DCDC1: variants seen among roughly 807,000 people sequenced by gnomAD.
DCDC1 encodes doublecortin domain-containing protein 1.
Under a neutral mutation model 178.3 loss-of-function variants are expected in DCDC1, and 200 were observed. The ratio of observed to expected loss-of-function variants is 1.12; its 90% CI spans 1.00 to 1.26. DCDC1 has a LOEUF of 1.26. Ranked by LOEUF, DCDC1 falls within the 50% of genes most tolerant of loss-of-function variation. The probability of loss-of-function intolerance (pLI) is 0.00; values close to 1 mark genes in which losing one functional copy is unlikely to be tolerated. For missense variants in DCDC1, 1,983 were observed against 1,749.2 expected, an observed-to-expected ratio of 1.13 and a Z score of -2.38; for synonymous variants, 690 against 604.8, an observed-to-expected ratio of 1.14 and a Z score of -2.07.
chr11:31,271,416 C>T (rs1245566158), intron 7 of DCDC1, among the ~76,000 whole-genome samples: 1 of 152,188 alleles, frequency 6.6e-6, no homozygotes. Context: ...TCTTTTCTAT[C>T]TTGAAAATTA....
At position 31,290,019 on chromosome 11, in the gene DCDC1, T is replaced by C. The variant is rs187551230; in HGVS notation, c.960+628A>G. ...ATGTATGTGTGTTTCAAATTCCCAT[T>C]AGCTCCTCGGTATTTTTTAATATCA... is the stretch of plus-strand genomic sequence containing the variant. On this transcript the variant is annotated intron_variant, in intron 7 of 38. Transcript: ENST00000684477. 1.8e-4 allele frequency among the ~76,000 whole-genome samples: 28 copies of C among 152,154 alleles called. 1 individual carries two copies. Among genetic ancestry groups the C allele is most frequent in the East Asian group, 9.7e-4 (5 of 5,180 alleles).
intron 20 of DCDC1, among the ~76,000 whole-genome samples, chr11:31,063,537 T>C (rs1956072494): frequency 6.6e-6 from 1 of 152,134 alleles, no homozygotes; most frequent in Non-Finnish European, 1.5e-5. Flanking sequence ...AAATAAGTTT[T>C]TTGTCTCTTT....
intron 9 of DCDC1, among the ~76,000 whole-genome samples, chr11:31,218,792 C>G (rs1469559347): frequency 1.3e-5 from 2 of 152,076 alleles, no homozygotes; most frequent in Non-Finnish European, 2.9e-5. Context: ...TTCTTCCTCC[C>G]TCACTCCCAT....
intron 20 of DCDC1, among the ~76,000 whole-genome samples, chr11:30,999,326 T>C (rs915650474): frequency 1.3e-5 from 2 of 152,178 alleles, no homozygotes; most frequent in African/African-American, 4.8e-5. Flanking sequence ...AGATGTTGGT[T>C]ATGTAAGATG....
At chr11:31,270,885 T>C (rs1354904947) in intron 7 of DCDC1, among the ~76,000 whole-genome samples, 1 of 152,172 alleles carries the variant, frequency 6.6e-6, no homozygotes, top group East Asian at 1.9e-4. Flanking sequence ...GACCTTCACT[T>C]TCCACTCTGT....
At chr11:31,144,649 A>G (rs1324770255) in intron 9 of DCDC1, among the ~76,000 whole-genome samples, 1 of 152,120 alleles carries the variant, frequency 6.6e-6, no homozygotes, top group Non-Finnish European at 1.5e-5. Context: ...GAATTATTCT[A>G]TTAGTAGTAA....
intron 20 of DCDC1, among the ~76,000 whole-genome samples, chr11:30,960,281 G>A (rs1455305878): frequency 1.3e-5 from 2 of 152,028 alleles, no homozygotes; most frequent in African/African-American, 2.4e-5. Context: ...TGGTTGCAGT[G>A]CCTATATAAC....
intron 37 of DCDC1, 69 bp downstream of exon 37, chr11:30,881,089 C>G: frequency 6.5e-7 from 1 of 1,543,702 alleles, no homozygotes; most frequent in South Asian, 1.2e-5. Flanking sequence ...GGGATATAAG[C>G]TCTTCCAAGA....
chr11:31,068,569 G>T (rs942029563), intron 18 of DCDC1, among the ~76,000 whole-genome samples: 13 of 152,000 alleles, frequency 8.6e-5, no homozygotes, highest in African/African-American at 2.9e-4. Flanking sequence ...GTTTTGTGTG[G>T]GTGTGGGTAT....
chr11:31,172,314 T>C (rs1213115496), intron 9 of DCDC1, among the ~76,000 whole-genome samples: 2 of 152,108 alleles, frequency 1.3e-5, no homozygotes, highest in African/African-American at 4.8e-5. Flanking sequence ...TATTTTAATA[T>C]AAGCATAGAC....
At chr11:30,899,483 C>T (rs1944495955) in intron 34 of DCDC1, 58 bp downstream of exon 34, 1 of 1,126,120 alleles carries the variant, frequency 8.9e-7, no homozygotes, top group African/African-American at 1.6e-5. Context: ...TAACCATTAG[C>T]AATTTGGGGC....
chr11:31,158,364 G>A (rs936475796), intron 9 of DCDC1, among the ~76,000 whole-genome samples: 4 of 151,590 alleles, frequency 2.6e-5, no homozygotes, highest in Non-Finnish European at 4.4e-5. Context: ...TGATCTGCCC[G>A]CCTCGGCCTC....
At chr11:31,144,700 A>G (rs1002938225) in intron 9 of DCDC1, among the ~76,000 whole-genome samples, 1 of 151,550 alleles carries the variant, frequency 6.6e-6, no homozygotes, top group African/African-American at 2.4e-5. Context: ...TGCTATATGT[A>G]TTTTTTCTTT....
intron 20 of DCDC1, among the ~76,000 whole-genome samples, chr11:30,986,863 A>T (rs1268421502): frequency 1.3e-5 from 2 of 152,228 alleles, no homozygotes; most frequent in Non-Finnish European, 2.9e-5. Flanking sequence ...AGTTCTGCTC[A>T]TGACGTGAAC....
At chr11:31,017,579 A>C (rs990970091) in intron 20 of DCDC1, among the ~76,000 whole-genome samples, 31 of 151,828 alleles carry the variant, frequency 2.0e-4, no homozygotes, top group Non-Finnish European at 3.7e-4. Context: ...GTTTTCACTA[A>C]GTTATTAATT....
At chr11:31,088,694 A>C (rs1378917229) in intron 17 of DCDC1, among the ~76,000 whole-genome samples, 1 of 152,088 alleles carries the variant, frequency 6.6e-6, no homozygotes, top group Non-Finnish European at 1.5e-5. Context: ...AAAGAGACAA[A>C]AATAATTAGC....
At chr11:30,975,246 A>T (rs1182976024) in intron 20 of DCDC1, among the ~76,000 whole-genome samples, 3 of 152,168 alleles carry the variant, frequency 2.0e-5, no homozygotes, top group Non-Finnish European at 4.4e-5. Flanking sequence ...GCAACATATG[A>T]CAAACCCACA....
chr11:30,885,055 A>T (rs573755307), intron 36 of DCDC1, among the ~76,000 whole-genome samples: 2 of 152,014 alleles, frequency 1.3e-5, no homozygotes, highest in African/African-American at 4.8e-5. Flanking sequence ...TATATAATTT[A>T]AAAAGTAATA....
chr11:30,878,186 C>T (rs958378791), intron 38 of DCDC1, among the ~76,000 whole-genome samples: 2 of 152,088 alleles, frequency 1.3e-5, no homozygotes, highest in Non-Finnish European at 2.9e-5. Flanking sequence ...GGTGCAGTGG[C>T]TCATGCCTAC....
Sources: allele counts gnomAD v4.1 joint callset (sites outside exome capture counted in the v4.1 genomes callset), GRCh38; gene constraint gnomAD v4.1.1; transcripts MANE v1.5; gene names NCBI Gene and HGNC (gene_info 2026-07-23, HGNC 2026-07-21).